Variants in SIPA1L1 observed in about 807,000 individuals in gnomAD.
The protein encoded by SIPA1L1 is signal induced proliferation associated 1 like 1, also known as signal-induced proliferation-associated 1-like protein 1.
A neutral mutation model predicts 162.7 loss-of-function variants in SIPA1L1; 26 were observed. That is an observed-to-expected ratio of 0.16 (90% CI 0.12 to 0.22). SIPA1L1 has a LOEUF of 0.22. Among genes scored for constraint, SIPA1L1 ranks in the 10% least tolerant of loss-of-function variants. The probability of loss-of-function intolerance (pLI) is 1.00; values close to 1 mark genes in which losing one functional copy is unlikely to be tolerated. For synonymous variants in SIPA1L1, 829 were observed against 837.4 expected, an observed-to-expected ratio of 0.99 and a Z score of 0.17; for missense variants, 1,874 against 2,241.0, an observed-to-expected ratio of 0.84 and a Z score of 3.31.
chr14:71,640,747 C>T (rs1229990128), intron 7 of SIPA1L1, among the ~76,000 whole-genome samples: 1 of 152,190 alleles, frequency 6.6e-6, no homozygotes, highest in East Asian at 1.9e-4. Context: ...GCCTCAGCCT[C>T]CCGCAGAGCT....
chr14:71,477,786 G>A (rs1341933304), intron 2 of SIPA1L1, among the ~76,000 whole-genome samples: 2 of 151,282 alleles, frequency 1.3e-5, no homozygotes, highest in African/African-American at 2.4e-5. Flanking sequence ...CTACTTTGGA[G>A]GTATTAAAAA....
rs546589134 is a variant in SIPA1L1 at position 71,480,468 on chromosome 14, A to G, written c.-464-32275A>G. Among the ~76,000 whole-genome samples, 130 of 151,636 alleles carry G rather than the reference A, an allele frequency of 8.6e-4. 1 individual carries two copies. Among genetic ancestry groups the G allele is most frequent in the African/African-American group, 2.4e-3 (100 of 41,424 alleles). On this transcript the variant is annotated intron_variant, in intron 2 of 23. Coordinates refer to ENST00000381232, the MANE Select transcript of SIPA1L1 (RefSeq NM_001386936.1). ...CTCTTAGTCTTAAAAAAAAAAAAAAAAAGAAGAAGTCAGCCGTGCACAGTG... is the reference window on the plus strand; with the variant it reads ...CTCTTAGTCTTAAAAAAAAAAAAAAGAAGAAGAAGTCAGCCGTGCACAGTG...
intron 7 of SIPA1L1, among the ~76,000 whole-genome samples, chr14:71,635,172 G>A (rs537327061): frequency 1.5e-4 from 23 of 151,000 alleles, no homozygotes; most frequent in African/African-American, 5.3e-4. Context: ...CCAGGTACTC[G>A]GGAGGCTGAG....
chr14:71,607,846 A>G (rs1351283338), intron 5 of SIPA1L1, among the ~76,000 whole-genome samples: 1 of 152,144 alleles, frequency 6.6e-6, no homozygotes, highest in East Asian at 1.9e-4. Flanking sequence ...GCTGATTTCC[A>G]TATTCCAGTG....
intron 5 of SIPA1L1, chr14:71,598,307 G>A (rs906858852): frequency 1.3e-6 from 1 of 799,452 alleles, no homozygotes. Flanking sequence ...AATGGGAGGA[G>A]AAGCAGGATT....
chr14:71,367,714 C>T (rs2038469499), intron 2 of SIPA1L1, among the ~76,000 whole-genome samples: 1 of 149,782 alleles, frequency 6.7e-6, no homozygotes, highest in African/African-American at 2.5e-5. Context: ...TCAAGCGATT[C>T]TCCTGCCTCA....
At chr14:71,478,245 A>G (rs2048042114) in intron 2 of SIPA1L1, among the ~76,000 whole-genome samples, 1 of 151,954 alleles carries the variant, frequency 6.6e-6, no homozygotes, top group South Asian at 2.1e-4. Flanking sequence ...TTTCAGTTTT[A>G]TTTTGTTTTT....
chr14:71,367,395 C>T (rs999886634), intron 2 of SIPA1L1, among the ~76,000 whole-genome samples: 2 of 151,440 alleles, frequency 1.3e-5, no homozygotes, highest in Non-Finnish European at 2.9e-5. Flanking sequence ...TAAACTCCGC[C>T]TCCCGGGTTT....
intron 2 of SIPA1L1, among the ~76,000 whole-genome samples, chr14:71,439,560 A>C (rs2044668960): frequency 6.6e-6 from 1 of 152,236 alleles, no homozygotes. Flanking sequence ...ACTCATGAGT[A>C]TGGAATGGAA....
Position 71,698,961 on chromosome 14 carries a change from T to G in SIPA1L1, c.3375-20T>G. On this transcript the variant is annotated intron_variant, in intron 13 of 23. Transcript: ENST00000381232. ...TTCCCTTTGAATTGTTGACTTCATG[T>G]TTTTGTATTGCACATGCAGGCTGTC... is the stretch of plus-strand genomic sequence containing the variant. 1 of 1,613,922 alleles carries G rather than the reference T, an allele frequency of 6.2e-7. No homozygotes were observed. Among genetic ancestry groups the G allele is most frequent in the Non-Finnish European group, 8.5e-7 (1 of 1,179,796 alleles).
chr14:71,661,365 C>G lies in SIPA1L1; in HGVS notation c.2153C>G (p.Pro718Arg). 6.2e-7 allele frequency: 1 copy of G among 1,613,986 alleles called. No homozygotes were observed. Among genetic ancestry groups the G allele is most frequent in the Non-Finnish European group, 8.5e-7 (1 of 1,179,934 alleles). The change falls in exon 10 of 24, where the codon CCT becomes CGT. Residue 718 changes from proline to arginine, a missense_variant. Physicochemically the swap from Pro to Arg is moderately radical, Grantham distance 103. Transcript: ENST00000381232. ...NDIVTIVFQE[P>R]GAQPFSPKNI... ...ATCGTAACAATTGTTTTCCAAGAGC[C>G]TGGAGCACAGCCATTCAGCCCAAAA... is the stretch of plus-strand genomic sequence containing the variant.
chr14:71,538,382 C>T (rs991383961), intron 4 of SIPA1L1, among the ~76,000 whole-genome samples: 1 of 152,084 alleles, frequency 6.6e-6, no homozygotes, highest in African/African-American at 2.4e-5. Flanking sequence ...GGTATGGAGC[C>T]ACAGCTTGGA....
At chr14:71,411,087 A>G (rs560393091) in intron 2 of SIPA1L1, among the ~76,000 whole-genome samples, 22 of 152,182 alleles carry the variant, frequency 1.4e-4, no homozygotes, top group African/African-American at 5.3e-4. Flanking sequence ...TGCACTTTGT[A>G]TATGCCCACA....
At chr14:71,724,144 A>G (rs985040026) in intron 18 of SIPA1L1, among the ~76,000 whole-genome samples, 2 of 152,154 alleles carry the variant, frequency 1.3e-5, no homozygotes, top group Non-Finnish European at 2.9e-5. Context: ...TTTGAAGGAT[A>G]CACTTCAGAA....
intron 7 of SIPA1L1, among the ~76,000 whole-genome samples, chr14:71,638,745 A>G (rs1466525185): frequency 6.6e-6 from 1 of 152,280 alleles, no homozygotes; most frequent in Non-Finnish European, 1.5e-5. Flanking sequence ...GTCTGTTTGC[A>G]AAACCCTAAG....
chr14:71,591,155 A>G (rs1478377597), intron 5 of SIPA1L1, among the ~76,000 whole-genome samples: 1 of 152,168 alleles, frequency 6.6e-6, no homozygotes, highest in South Asian at 2.1e-4. Context: ...TAGGCAGTAT[A>G]ATAATATTAT....
At chr14:71,622,485 T>A (rs1361501746) in intron 6 of SIPA1L1, among the ~76,000 whole-genome samples, 3 of 152,226 alleles carry the variant, frequency 2.0e-5, no homozygotes, top group African/African-American at 7.2e-5. Context: ...TGGCTTGAAT[T>A]TGGTCTTGGC....
intron 2 of SIPA1L1, among the ~76,000 whole-genome samples, chr14:71,356,519 C>T (rs989777850): frequency 3.0e-5 from 4 of 132,216 alleles, no homozygotes; most frequent in African/African-American, 1.2e-4. Context: ...TTACTTAAGG[C>T]CAGGAGCTCA....
At chr14:71,494,858 C>G (rs975148599) in intron 2 of SIPA1L1, among the ~76,000 whole-genome samples, 1 of 152,068 alleles carries the variant, frequency 6.6e-6, no homozygotes, top group Non-Finnish European at 1.5e-5. Context: ...TCAGGCTGGT[C>G]TCAAACTCCT....
Sources: gnomAD v4.1 joint callset for allele counts (sites outside exome capture counted in the v4.1 genomes callset) on GRCh38, gnomAD v4.1.1 for gene constraint, MANE v1.5 for transcripts, NCBI Gene and HGNC (gene_info 2026-07-23, HGNC 2026-07-21) for gene names.